Variants in WDTC1 observed in about 807,000 individuals in gnomAD.
The protein encoded by WDTC1 is WD and tetratricopeptide repeats protein 1.
A neutral mutation model predicts 76.0 loss-of-function variants in WDTC1; 12 were observed. The ratio of observed to expected loss-of-function variants is 0.16; its 90% CI spans 0.10 to 0.26. The LOEUF (loss-of-function observed/expected upper bound fraction) is 0.26, where lower values mean the gene tolerates loss of function less well. Ranked by LOEUF, WDTC1 falls within the 10% of genes least tolerant of loss-of-function variation. WDTC1 has a pLI of 1.00. For missense variants in WDTC1, 511 were observed against 908.8 expected (o/e 0.56, Z 5.63); for synonymous variants, 326 against 350.8 (o/e 0.93, Z 0.79).
intron 4 of WDTC1, among the ~76,000 whole-genome samples, chr1:27,283,075 T>G (rs898771941): frequency 2.6e-5 from 4 of 151,356 alleles, no homozygotes; most frequent in Non-Finnish European, 5.9e-5. Flanking sequence ...GAGGCGGAGC[T>G]TGCAGTGAGC....
rs969730375 is a variant in WDTC1 at position 27,270,132 on chromosome 1, C to G, written c.132+6897C>G. On this transcript the variant is annotated intron_variant, in intron 3 of 15. Transcript: ENST00000319394. ...AGAAACAGGGTTTTACCGTGTTGCC[C>G]AGGCTGGTTTTGAACCGCTAGGCTC... 5.9e-5 allele frequency among the ~76,000 whole-genome samples: 9 copies of G among 152,186 alleles called. 1 individual carries two copies. Among genetic ancestry groups the G allele is most frequent in the African/African-American group, 2.2e-4 (9 of 41,516 alleles).
chr1:27,266,597 G>A (rs945578272), intron 3 of WDTC1, among the ~76,000 whole-genome samples: 1 of 152,188 alleles, frequency 6.6e-6, no homozygotes, highest in African/African-American at 2.4e-5. Context: ...GTTATTTATG[G>A]AAAGCTCTTA....
intron 1 of WDTC1, among the ~76,000 whole-genome samples, chr1:27,253,483 CTCTTTCT>C (rs1188641240): frequency 6.1e-5 from 8 of 131,070 alleles, no homozygotes; most frequent in South Asian, 2.6e-4. Context: ...CTCTTCTTCT[CTCTTTCT>C]TCTTTCTTCT....
intron 4 of WDTC1, among the ~76,000 whole-genome samples, chr1:27,282,995 G>A (rs1400015279): frequency 1.3e-5 from 2 of 151,800 alleles, no homozygotes; most frequent in Admixed American, 6.6e-5. Flanking sequence ...AAAATTAGCC[G>A]GGTGTGGTGG....
At position 27,306,133 on chromosome 1, in the gene WDTC1, T is replaced by A; in HGVS notation, c.1837-53T>A. 1.9e-6 allele frequency: 3 copies of A among 1,592,402 alleles called. No homozygotes were observed. The highest frequency in any genetic ancestry group is 4.5e-5 in the East Asian group (2 of 44,770). Reference sequence around the variant, plus strand: ...CTCCCCCTCCCCTATACGTGTACCCTGGTGCCTCTCCCTCCCTGAGCCCCA... The same window carrying A: ...CTCCCCCTCCCCTATACGTGTACCCAGGTGCCTCTCCCTCCCTGAGCCCCA... On this transcript the variant is annotated intron_variant, in intron 15 of 15. Transcript: ENST00000319394. The surrounding 1 kb of genome is among the most constrained non-coding windows in gnomAD (Gnocchi z 5.0).
intron 5 of WDTC1, among the ~76,000 whole-genome samples, chr1:27,287,194 C>T (rs1370354537): frequency 6.6e-6 from 1 of 151,888 alleles, no homozygotes; most frequent in African/African-American, 2.4e-5. Flanking sequence ...CCCACACACA[C>T]CCATTCCCTT....
rs1234340726 is a variant in WDTC1 at position 27,308,101 on chromosome 1, C to G, written c.*1718C>G. On this transcript the variant is annotated 3_prime_UTR_variant, in exon 16 of 16. Coordinates refer to ENST00000319394, the MANE Select transcript of WDTC1 (RefSeq NM_001276252.2). ...CCCTGCCCCCTGTCCTGCTTCCCAC[C>G]CCCTGCCTGCCCAGCCTGGGCCCTG... is the stretch of plus-strand genomic sequence containing the variant. The G allele has an allele frequency of 6.6e-6, 1 of 152,420 alleles. No individual in the cohort carries two copies. 9.4% of individuals were successfully genotyped at this position (152,420 alleles called of 1,614,324 possible).
chr1:27,244,680 A>G (rs1460643396), intron 1 of WDTC1, among the ~76,000 whole-genome samples: 1 of 152,188 alleles, frequency 6.6e-6, no homozygotes, highest in Non-Finnish European at 1.5e-5. Flanking sequence ...ATGCATTGAA[A>G]GTGAAGTTGA....
intron 4 of WDTC1, 54 bp from the exon 5 acceptor site, chr1:27,283,284 G>A: frequency 6.6e-7 from 1 of 1,525,184 alleles, no homozygotes. Context: ...ATGGGATGGG[G>A]AAAGGGAGCC....
chr1:27,292,687 A>C (rs551539901), intron 7 of WDTC1, among the ~76,000 whole-genome samples: 20 of 151,840 alleles, frequency 1.3e-4, no homozygotes, highest in Admixed American at 2.6e-4. Flanking sequence ...TCGACCTCCC[A>C]AAGTGCTGGG....
chr1:27,258,034 C>T (rs1436694122), intron 1 of WDTC1, among the ~76,000 whole-genome samples: 1 of 151,882 alleles, frequency 6.6e-6, no homozygotes, highest in Admixed American at 6.6e-5. Context: ...CGTGATCCGC[C>T]CGCCTCGGCC....
At chr1:27,300,706 G>T (rs74061760) in intron 12 of WDTC1, among the ~76,000 whole-genome samples, 7 of 152,184 alleles carry the variant, frequency 4.6e-5, no homozygotes, top group East Asian at 1.9e-4. Context: ...CAGGACAGGG[G>T]GGGGTCTGGC....
At chr1:27,304,827 A>G in intron 14 of WDTC1, 174 bp from the exon 15 acceptor site, 1 of 600,164 alleles carries the variant, frequency 1.7e-6, no homozygotes, top group Non-Finnish European at 2.8e-6. Flanking sequence ...TTAAGAGAAC[A>G]GTGACCAGGG....
At chr1:27,239,517 C>CAA (rs1165446864) in intron 1 of WDTC1, among the ~76,000 whole-genome samples, 595 of 39,358 alleles carry the variant, frequency 0.015, 7 homozygotes, top group East Asian at 0.045. Context: ...GACCCTGTCT[C>CAA]AAAAAAAAAA....
At chr1:27,288,171 A>T (rs1035164656) in intron 6 of WDTC1, among the ~76,000 whole-genome samples, 3 of 151,946 alleles carry the variant, frequency 2.0e-5, no homozygotes, top group Non-Finnish European at 4.4e-5. Flanking sequence ...CTCTGTCCCC[A>T]GCTCTTCCCA....
chr1:27,235,030 C>T (rs1422440669), intron 1 of WDTC1, 79 bp downstream of exon 1: 1 of 363,532 alleles, frequency 2.8e-6, no homozygotes, highest in East Asian at 4.0e-5. Context: ...GAACGGGCCG[C>T]CCGCTCTGGG....
rs1557500906 is a variant in WDTC1, at chr1:27,287,690, G to A, written c.308G>A (p.Gly103Glu). Residue 103 changes from glycine (G) to glutamate (E), a missense_variant, in exon 6 of 16, where the codon GGG becomes GAG. By Grantham distance (98) the Gly-to-Glu change is moderately conservative (BLOSUM62 -2). Coordinates refer to ENST00000319394, the MANE Select transcript of WDTC1 (RefSeq NM_001276252.2). ...CCTATATAGTTCCTGCCTCACGCTG[G>A]GGACCGCATCTTGATCACGGGGGCA... ...IFSVKFLPHAGDRILITGAAD... is the reference protein window; with the variant it reads ...IFSVKFLPHAEDRILITGAAD... 6.2e-7 allele frequency: 1 copy of A among 1,613,818 alleles called. No homozygotes were observed. The highest frequency in any genetic ancestry group is 2.2e-5 in the East Asian group (1 of 44,872).
At chr1:27,263,326 A>G (rs1411842804) in intron 3 of WDTC1, 91 bp downstream of exon 3, 6 of 1,306,074 alleles carry the variant, frequency 4.6e-6, no homozygotes, top group Non-Finnish European at 6.3e-6. Flanking sequence ...AGGCATAAAC[A>G]AGTGTTTCTC....
Position 27,303,868 on chromosome 1 carries a change from T to C in WDTC1, c.1643+73T>C, listed in dbSNP as rs1352450055. On this transcript the variant is annotated intron_variant, in intron 14 of 15. Transcript: ENST00000319394. This position sits in a 1 kb window ranked among gnomAD's most constrained non-coding sequence, Gnocchi z 4.8. ...TTGAGTGGGGAGTGTTGGGGCATAA[T>C]GGTTTCAGAGAAGAATCTCAAATCC... 9.5e-6 allele frequency: 15 copies of C among 1,575,516 alleles called. No homozygotes were observed. The East Asian group carries it at 2.5e-4, about 27-fold the overall frequency.
Sources: gnomAD v4.1 joint callset for allele counts (sites outside exome capture counted in the v4.1 genomes callset) on GRCh38, gnomAD v4.1.1 for gene constraint, Gnocchi (gnomAD v3.1) non-coding constraint, MANE v1.5 for transcripts, NCBI Gene and HGNC (gene_info 2026-07-23, HGNC 2026-07-21) for gene names.